Variants in ZNF536 observed in about 807,000 individuals in gnomAD.
ZNF536 encodes zinc finger protein 536.
Under a neutral mutation model 84.5 loss-of-function variants are expected in ZNF536, and 13 were observed. The ratio of observed to expected loss-of-function variants is 0.15; its 90% CI spans 0.10 to 0.24. ZNF536 has a LOEUF of 0.24. Among genes scored for constraint, ZNF536 ranks in the 10% least tolerant of loss-of-function variants. The pLI is 1.00. For synonymous variants in ZNF536, 811 were observed against 742.5 expected (o/e 1.09, Z -1.50); for missense variants, 1,536 against 1,747.5 (o/e 0.88, Z 2.16).
intron 1 of ZNF536, among the ~76,000 whole-genome samples, chr19:30,243,889 C>T (rs899903259): frequency 6.6e-6 from 1 of 152,160 alleles, no homozygotes; most frequent in African/African-American, 2.4e-5. Flanking sequence ...TCTTGGGGAA[C>T]AATGAAAAAC....
At chr19:30,573,542 G>C (rs1478549764) in intron 1 of ZNF536, among the ~76,000 whole-genome samples, 8 of 152,170 alleles carry the variant, frequency 5.3e-5, no homozygotes, top group African/African-American at 1.9e-4. Flanking sequence ...ATTGGTCATA[G>C]ACTTTGGAAA....
In ZNF536 at chr19:30,278,620, C is replaced by T. The variant is rs2045326804; in HGVS notation, c.-189-5452C>T. ...GTTTGGGAGCTGGTTCCCTGTGCCCCCTGGGTCCTGGGCCAGGGTGAGCGT... is the reference window on the plus strand; with the variant it reads ...GTTTGGGAGCTGGTTCCCTGTGCCCTCTGGGTCCTGGGCCAGGGTGAGCGT... On this transcript the variant is annotated intron_variant, in intron 1 of 5. Transcript: ENST00000585628. Among the ~76,000 whole-genome samples the T allele has an allele frequency of 2.0e-5, 3 of 152,104 alleles. No individual in the cohort carries two copies. In the South Asian group the frequency reaches 6.2e-4, roughly 32 times the overall value.
intron 2 of ZNF536, among the ~76,000 whole-genome samples, chr19:30,503,476 T>C (rs2055033024): frequency 6.6e-6 from 1 of 152,226 alleles, no homozygotes; most frequent in East Asian, 1.9e-4. Context: ...CCATGACATA[T>C]TGTTGAATGA....
rs1466899339 is a variant in ZNF536 at position 30,390,291 on chromosome 19, G to T, written c.-3+17735G>T. Reference sequence around the variant, plus strand: ...ACTGGAACTTATAAAATAAAAAAATGCTAGGGACTTCTCCTCTTTCTCTGT... The same window carrying T: ...ACTGGAACTTATAAAATAAAAAAATTCTAGGGACTTCTCCTCTTTCTCTGT... On this transcript the variant is annotated intron_variant, in intron 1 of 4. Transcript: ENST00000355537. 2.0e-5 allele frequency among the ~76,000 whole-genome samples: 3 copies of T among 152,216 alleles called. 1 individual carries two copies. The highest frequency in any genetic ancestry group is 2.0e-4 in the Admixed American group (3 of 15,288).
chr19:30,602,952 C>G (rs2047741698), intron 1 of ZNF536, among the ~76,000 whole-genome samples: 1 of 152,104 alleles, frequency 6.6e-6, no homozygotes, highest in Admixed American at 6.6e-5. Context: ...GTACCCATCC[C>G]CCAGACAAAC....
chr19:30,360,774 G>A (rs1024026587), intron 3 of ZNF536, among the ~76,000 whole-genome samples: 4 of 152,190 alleles, frequency 2.6e-5, no homozygotes, highest in Non-Finnish European at 4.4e-5. Flanking sequence ...ACATTTCTGC[G>A]ATATTAATGG....
At chr19:30,587,303 A>T (rs1428735224) in intron 1 of ZNF536, among the ~76,000 whole-genome samples, 1 of 152,214 alleles carries the variant, frequency 6.6e-6, no homozygotes, top group Non-Finnish European at 1.5e-5. Flanking sequence ...AAACCTTCAA[A>T]GCAGTCCAAT....
rs917801085 is a variant in ZNF536 at position 30,444,928 on chromosome 19, G to A, written c.1366G>A (p.Gly456Ser). 9 of 1,611,348 alleles carry A rather than the reference G, an allele frequency of 5.6e-6. No homozygotes were observed. In the African/African-American group the frequency reaches 8.0e-5, roughly 14 times the overall value. The stretch of plus-strand genomic sequence containing the variant: ...CGAGCCCAGCCAGCTCTATGGCAAG[G>A]GCGAGCTGCCCATGAAGGAGAAGGA... ...LSEPSQLYGK[G>S]ELPMKEKEAL... Residue 456 changes from glycine to serine, a missense_variant, in exon 2 of 5, where the codon GGC (glycine) becomes AGC (serine). Transcript: ENST00000355537.
chr19:30,371,274 G>A (rs2048602429), upstream of ZNF536, among the ~76,000 whole-genome samples: 1 of 152,154 alleles, frequency 6.6e-6, no homozygotes, highest in South Asian at 2.1e-4. Context: ...TGGCACGAGA[G>A]GATAAGTGAC....
In ZNF536 at chr19:30,304,134, T is replaced by C. The variant is rs561406402; in HGVS notation, c.-120+19993T>C. Among the ~76,000 whole-genome samples the C allele has an allele frequency of 2.0e-5, 3 of 152,316 alleles. No homozygotes were observed. The East Asian group carries it at 5.8e-4, about 29-fold the overall frequency. ...GTGCAGTGCACTTTTTAGCCTGCTG[T>C]GCACAGGCCTCCTTTCTTTCCCCAC... On this transcript the variant is annotated intron_variant, in intron 2 of 5. Coordinates refer to the ZNF536 transcript ENST00000585628.
rs1359358418 is a variant in ZNF536, at chr19:30,444,228, G to C, written c.666G>C (p.Pro222=). The change falls in exon 2 of 5, where the codon CCG becomes CCC. Residue 222 remains proline, a synonymous_variant. Transcript: ENST00000355537. The stretch of plus-strand genomic sequence containing the variant: ...AAGGCAGCCTGCTGCAGCCCCGGCC[G>C]GACCTGAAGCCCCCGCCGCACGCCC... The part of the protein sequence containing the change: ...QLKGSLLQPR[P]DLKPPPHAQQ... 6.5e-7 allele frequency: 1 copy of C among 1,544,796 alleles called. No individual in the cohort carries two copies. The highest frequency in any genetic ancestry group is 2.4e-5 in the East Asian group (1 of 41,194).
At chr19:30,371,058 AT>A (rs2048597123), upstream of ZNF536, among the ~76,000 whole-genome samples, 1 of 152,216 alleles carries the variant, frequency 6.6e-6, no homozygotes, top group Non-Finnish European at 1.5e-5. Flanking sequence ...CAGGATAGTT[AT>A]GCATTTGCTT....
intron 1 of ZNF536, among the ~76,000 whole-genome samples, chr19:30,665,070 G>A (rs1019964268): frequency 9.9e-5 from 15 of 152,228 alleles, no homozygotes; most frequent in African/African-American, 2.9e-4. Flanking sequence ...GTGGCCAGGC[G>A]CCGTGGCTCA....
At position 30,549,066 on chromosome 19, in the gene ZNF536, C is replaced by T. The variant is rs2146235424; in HGVS notation, c.3447C>T (p.Ile1149=). 6.2e-7 allele frequency: 1 copy of T among 1,614,196 alleles called. No individual in the cohort carries two copies. The highest frequency in any genetic ancestry group is 1.1e-5 in the South Asian group (1 of 91,086). ...AHSEEDVPIL[I]PETTSKNTTD... is the part of the protein sequence containing the mutation. ...CTGAAGAGGATGTCCCCATCCTGAT[C>T]CCCGAAACCACGAGTAAGAACACTA... Residue 1149 remains isoleucine (I), a synonymous_variant, in exon 4 of 5, where the codon ATC becomes ATT. Transcript: ENST00000355537.
intron 1 of ZNF536, among the ~76,000 whole-genome samples, chr19:30,421,041 A>G (rs2050935675): frequency 6.6e-6 from 1 of 152,102 alleles, no homozygotes; most frequent in Admixed American, 6.5e-5. Context: ...TGAGGGAAGT[A>G]GGGATCTGTT....
intron 1 of ZNF536, among the ~76,000 whole-genome samples, chr19:30,241,857 T>C (rs1030975731): frequency 2.6e-5 from 4 of 152,150 alleles, no homozygotes; most frequent in Non-Finnish European, 5.9e-5. Flanking sequence ...TGGGGACACC[T>C]CCTCACCTGG....
intron 1 of ZNF536, among the ~76,000 whole-genome samples, chr19:30,387,414 G>A (rs1432287474): frequency 6.6e-6 from 1 of 152,224 alleles, no homozygotes; most frequent in East Asian, 1.9e-4. Context: ...TGATGCAGGG[G>A]CCATGCTTGA....
chr19:30,517,873 G>A (rs1380114339), intron 2 of ZNF536, among the ~76,000 whole-genome samples: 1 of 152,122 alleles, frequency 6.6e-6, no homozygotes, highest in Admixed American at 6.5e-5. Context: ...ATCTCAATTA[G>A]AGTCCTCTGC....
chr19:30,245,752 A>G (rs2144960319), intron 1 of ZNF536, among the ~76,000 whole-genome samples: 1 of 152,332 alleles, frequency 6.6e-6, no homozygotes, highest in South Asian at 2.1e-4. Flanking sequence ...TATGATAGGG[A>G]CAGGCTTAAT....
Sources: gnomAD v4.1 joint callset for allele counts (sites outside exome capture counted in the v4.1 genomes callset) on GRCh38, gnomAD v4.1.1 for gene constraint, MANE v1.5 for transcripts, NCBI Gene and HGNC (gene_info 2026-07-23, HGNC 2026-07-21) for gene names.